The following WDTC1 variants were observed in gnomAD, a reference collection of about 807,000 sequenced individuals.
The protein encoded by WDTC1 is WD and tetratricopeptide repeats 1, also known as WD and tetratricopeptide repeats protein 1.
WDTC1 carries 12 observed loss-of-function variants against 76.0 expected under a neutral mutation model. That is an observed-to-expected ratio of 0.16 (90% CI 0.10 to 0.26). WDTC1 has a LOEUF of 0.26. WDTC1 is among the 10% of genes least tolerant of loss of function. The probability of loss-of-function intolerance (pLI) is 1.00; values close to 1 mark genes in which losing one functional copy is unlikely to be tolerated. For synonymous variants in WDTC1, 326 were observed against 350.8 expected, an observed-to-expected ratio of 0.93 and a Z score of 0.79; for missense variants, 511 against 908.8, an observed-to-expected ratio of 0.56 and a Z score of 5.63.
intron 3 of WDTC1, among the ~76,000 whole-genome samples, chr1:27,281,185 G>A (rs896406031): frequency 1.3e-5 from 2 of 152,078 alleles, no homozygotes; most frequent in African/African-American, 4.8e-5. Context: ...TGTGAGGCTG[G>A]GCGCGGTGGC....
chr1:27,252,354 A>G (rs1185183905), intron 1 of WDTC1, among the ~76,000 whole-genome samples: 1 of 152,096 alleles, frequency 6.6e-6, no homozygotes, highest in Non-Finnish European at 1.5e-5. Flanking sequence ...TCCTGTCTCA[A>G]AAAACAAAAA....
chr1:27,289,460 A>G (rs1368850071), intron 6 of WDTC1, among the ~76,000 whole-genome samples: 5 of 147,690 alleles, frequency 3.4e-5, no homozygotes, highest in African/African-American at 5.1e-5. Context: ...CACTTCCTAG[A>G]TGGGATGGCG....
At chr1:27,284,095 G>C (rs1171157071) in intron 5 of WDTC1, among the ~76,000 whole-genome samples, 1 of 152,144 alleles carries the variant, frequency 6.6e-6, no homozygotes, top group Non-Finnish European at 1.5e-5. Flanking sequence ...AATGACATGA[G>C]ACATGTTTTT....
chr1:27,251,250 G>A (rs1230172731), intron 1 of WDTC1, among the ~76,000 whole-genome samples: 2 of 151,194 alleles, frequency 1.3e-5, no homozygotes, highest in African/African-American at 4.9e-5. Context: ...ATAGAAGAAA[G>A]TTTTCCAGTA....
chr1:27,265,564 T>G (rs964548986), intron 3 of WDTC1, among the ~76,000 whole-genome samples: 2 of 151,750 alleles, frequency 1.3e-5, no homozygotes, highest in African/African-American at 4.8e-5. Flanking sequence ...AATGGGAGAA[T>G]CACTTGGGCC....
rs2013952565 is a variant in WDTC1 at position 27,306,279 on chromosome 1, C to T, written c.1930C>T (p.Leu644=). The T allele has an allele frequency of 2.5e-6, 4 of 1,613,988 alleles. No homozygotes were observed. In the African/African-American group the frequency reaches 4.0e-5, roughly 16 times the overall value. ...GAATGCAGACCCGTTGGAGGTGATG[C>T]TGCTCAACATGGGCTACCGGATCAC... ...RMNADPLEVM[L]LNMGYRITGL... The change falls in exon 16 of 16, where the codon CTG becomes TTG. Residue 644 remains leucine, a synonymous_variant. Coordinates refer to ENST00000319394, the MANE Select transcript of WDTC1 (RefSeq NM_001276252.2). This position sits in a 1 kb window ranked among gnomAD's most constrained non-coding sequence, Gnocchi z 5.0.
In WDTC1 at chr1:27,296,979, A is replaced by T. The variant is rs1469763280; in HGVS notation, c.950-69A>T. On this transcript the variant is annotated intron_variant, in intron 10 of 15. Transcript: ENST00000319394. Reference sequence around the variant, plus strand: ...CATCAGACCCCGTGATGGAAGCTAGAGGGCTGCCAGGAAGAAATGGGTCCT... The same window carrying T: ...CATCAGACCCCGTGATGGAAGCTAGTGGGCTGCCAGGAAGAAATGGGTCCT... 3.6e-6 allele frequency: 5 copies of T among 1,386,170 alleles called. No homozygotes were observed. The African/African-American group carries it at 5.7e-5, about 16-fold the overall frequency. 85.9% of individuals were successfully genotyped at this position (1,386,170 alleles called of 1,614,324 possible). A position where few individuals can be genotyped will look rare whatever the true frequency, so the allele number is the denominator to read the frequency against.
intron 14 of WDTC1, chr1:27,304,172 G>T: frequency 4.2e-6 from 1 of 235,338 alleles, no homozygotes. Flanking sequence ...TCCAAGGCTG[G>T]GAATCTTGGC....
intron 1 of WDTC1, among the ~76,000 whole-genome samples, chr1:27,259,298 T>C (rs2012393584): frequency 2.0e-5 from 3 of 150,168 alleles, no homozygotes; most frequent in Non-Finnish European, 4.4e-5. Context: ...TAGCTGGGAC[T>C]ACAGGCGCAT....
At chr1:27,264,251 G>A (rs1379672340) in intron 3 of WDTC1, among the ~76,000 whole-genome samples, 1 of 151,920 alleles carries the variant, frequency 6.6e-6, no homozygotes, top group Non-Finnish European at 1.5e-5. Context: ...TAGTGCCACT[G>A]CACTCCATCC....
At position 27,306,211 on chromosome 1, in the gene WDTC1, T is replaced by A; in HGVS notation, c.1862T>A (p.Val621Glu). The A allele has an allele frequency of 6.2e-7, 1 of 1,613,978 alleles. No individual in the cohort carries two copies. The highest frequency in any genetic ancestry group is 8.5e-7 in the Non-Finnish European group (1 of 1,179,994). The change falls in exon 16 of 16, where the codon GTG becomes GAG. Residue 621 changes from valine (V) to glutamate (E), a missense_variant. By Grantham distance (121) the Val-to-Glu change is moderately radical. Transcript: ENST00000319394. This position sits in a 1 kb window ranked among gnomAD's most constrained non-coding sequence, Gnocchi z 5.0. ...PESEDLTGRVVEDMEGASQAN... is the reference protein window; with the variant it reads ...PESEDLTGRVEEDMEGASQAN... ...AGTGAAGACCTCACAGGCCGAGTCG[T>A]GGAAGATATGGAGGGTGCTTCACAG...
At chr1:27,234,539 T>G, upstream of WDTC1, 13 of 364,092 alleles carry the variant, frequency 3.6e-5, no homozygotes, top group East Asian at 1.2e-4. Context: ...CGGCTAGCCA[T>G]TCTGGAAGCG....
In WDTC1 at chr1:27,288,843, C is replaced by G. The variant is rs1465031743; in HGVS notation, c.479+982C>G. Among the ~76,000 whole-genome samples, 5 of 152,190 alleles carry G rather than the reference C, an allele frequency of 3.3e-5. No individual in the cohort carries two copies. In the East Asian group the frequency reaches 9.6e-4, roughly 29 times the overall value. The stretch of plus-strand genomic sequence containing the variant: ...CACAAAACCGCCATTGTCATCCTGG[C>G]CCGTTCTCAATGAGCTGTTGGGTAC... On this transcript the variant is annotated intron_variant, in intron 6 of 15. Transcript: ENST00000319394.
chr1:27,262,272 GC>G (rs1347636465), intron 2 of WDTC1, among the ~76,000 whole-genome samples: 1 of 152,076 alleles, frequency 6.6e-6, no homozygotes, highest in Non-Finnish European at 1.5e-5. Flanking sequence ...CAAGTGGCAT[GC>G]AGCATAAGCT....
intron 3 of WDTC1, among the ~76,000 whole-genome samples, chr1:27,273,991 T>C (rs1291341493): frequency 6.6e-6 from 1 of 152,152 alleles, no homozygotes; most frequent in Non-Finnish European, 1.5e-5. Flanking sequence ...GTTTAAATTG[T>C]TCATTAGGAA....
rs545741211 is a variant in WDTC1 at position 27,296,541 on chromosome 1, C to T, written c.949+140C>T. ...GATCTCTGAAATAACCCCACCTATG[C>T]AGTAAGAAAGAGGATGACAATAGAG... On this transcript the variant is annotated intron_variant, in intron 10 of 15. Transcript: ENST00000319394. 14 of 848,492 alleles carry T rather than the reference C, an allele frequency of 1.6e-5. No individual in the cohort carries two copies. In the South Asian group the frequency reaches 2.2e-4, roughly 14 times the overall value. The allele number at this position is 848,492 out of a possible 1,614,324, so 52.6% of individuals were successfully genotyped here.
At chr1:27,294,268 G>A (rs1011368231) in intron 8 of WDTC1, 152 bp downstream of exon 8, 6 of 866,824 alleles carry the variant, frequency 6.9e-6, no homozygotes, top group Middle Eastern at 7.0e-4. Context: ...CCATTGACAA[G>A]CTATGTCACC....
intron 5 of WDTC1, among the ~76,000 whole-genome samples, chr1:27,287,112 G>A (rs1553131780): frequency 6.6e-6 from 1 of 150,964 alleles, no homozygotes; most frequent in African/African-American, 2.4e-5. Flanking sequence ...GCAGTGAGCC[G>A]AGATTGCACC....
rs1460592920 is a variant in WDTC1 at position 27,305,941 on chromosome 1, A to G, written c.1837-245A>G. On this transcript the variant is annotated intron_variant, in intron 15 of 15. Coordinates refer to ENST00000319394, the MANE Select transcript of WDTC1 (RefSeq NM_001276252.2). This position sits in a 1 kb window ranked among gnomAD's most constrained non-coding sequence, Gnocchi z 4.6. The stretch of plus-strand genomic sequence containing the variant: ...TACTGTCCCCCACGTATATCCCAGC[A>G]TGTTATGACCTGCCTGTATATCCTG... Among the ~76,000 whole-genome samples, 1 of 151,964 alleles carries G rather than the reference A, an allele frequency of 6.6e-6. No homozygotes were observed. Among genetic ancestry groups the G allele is most frequent in the Non-Finnish European group, 1.5e-5 (1 of 67,986 alleles).
Sources: gnomAD v4.1 joint callset for allele counts (sites outside exome capture counted in the v4.1 genomes callset) on GRCh38, gnomAD v4.1.1 for gene constraint, Gnocchi (gnomAD v3.1) non-coding constraint, MANE v1.5 for transcripts, NCBI Gene and HGNC (gene_info 2026-07-23, HGNC 2026-07-21) for gene names.